CDH12: variants seen among roughly 807,000 people sequenced by gnomAD.
CDH12 encodes the protein cadherin 12, also known as cadherin-12.
A neutral mutation model predicts 74.1 loss-of-function variants in CDH12; 41 were observed. The observed-to-expected ratio is 0.55, with a 90% CI of 0.43 to 0.72. The LOEUF is 0.72. CDH12 is among the 30% of genes least tolerant of loss of function. The pLI, the probability that CDH12 is intolerant of heterozygous loss-of-function variation, is 0.00. For missense variants in CDH12, 945 were observed against 977.2 expected, an observed-to-expected ratio of 0.97 and a Z score of 0.44; for synonymous variants, 399 against 355.0, an observed-to-expected ratio of 1.12 and a Z score of -1.39.
At chr5:22,744,518 A>G (rs1181907405) in intron 1 of CDH12, among the ~76,000 whole-genome samples, 2 of 152,202 alleles carry the variant, frequency 1.3e-5, no homozygotes, top group Non-Finnish European at 2.9e-5. Flanking sequence ...TGAAAAGTTT[A>G]TATTTTACAT....
chr5:22,194,516 G>C (rs1750512899), intron 4 of CDH12, among the ~76,000 whole-genome samples: 2 of 151,736 alleles, frequency 1.3e-5, no homozygotes, highest in Admixed American at 1.3e-4. Flanking sequence ...ATTTTTAGTA[G>C]AGACAGGGTT....
At chr5:22,168,545 C>CGTGT (rs1748826398) in intron 4 of CDH12, among the ~76,000 whole-genome samples, 2 of 151,970 alleles carry the variant, frequency 1.3e-5, no homozygotes, top group South Asian at 4.1e-4. Flanking sequence ...GATGGATACA[C>CGTGT]ATTTATGGTA....
At chr5:21,851,152 C>G (rs77505641) in intron 7 of CDH12, among the ~76,000 whole-genome samples, 1,973 of 150,446 alleles carry the variant, frequency 0.013, 40 homozygotes, top group African/African-American at 0.045. Flanking sequence ...ATTTAGAATA[C>G]AGCATATCAT....
At chr5:22,561,835 T>G (rs1707525731) in intron 1 of CDH12, among the ~76,000 whole-genome samples, 1 of 152,188 alleles carries the variant, frequency 6.6e-6, no homozygotes, top group Non-Finnish European at 1.5e-5. Flanking sequence ...AAACTGGACT[T>G]GATTCACCCT....
chr5:22,399,627 A>C (rs1158777508), intron 3 of CDH12, among the ~76,000 whole-genome samples: 1 of 152,154 alleles, frequency 6.6e-6, no homozygotes, highest in Non-Finnish European at 1.5e-5. Context: ...CCAGAGAGTA[A>C]ATCCAGCCAC....
intron 1 of CDH12, among the ~76,000 whole-genome samples, chr5:22,843,394 C>A (rs1256132127): frequency 6.6e-6 from 1 of 151,988 alleles, no homozygotes; most frequent in Non-Finnish European, 1.5e-5. Context: ...ATTCACTATT[C>A]TTTACCTCCC....
At chr5:22,642,579 G>C (rs1739208138) in intron 1 of CDH12, among the ~76,000 whole-genome samples, 1 of 152,138 alleles carries the variant, frequency 6.6e-6, no homozygotes, top group Non-Finnish European at 1.5e-5. Flanking sequence ...GATCATGATA[G>C]TTATGAAAAT....
chr5:22,507,684 T>A (rs1258543882), intron 1 of CDH12, among the ~76,000 whole-genome samples: 3 of 152,214 alleles, frequency 2.0e-5, no homozygotes, highest in Non-Finnish European at 2.9e-5. Context: ...ATATTTTGGT[T>A]AGAATGTAAT....
chr5:22,468,482 T>C (rs1219762683), intron 2 of CDH12, among the ~76,000 whole-genome samples: 1 of 152,114 alleles, frequency 6.6e-6, no homozygotes, highest in African/African-American at 2.4e-5. Flanking sequence ...CAATATTCAG[T>C]TTTTGGAAAG....
At chr5:22,128,416 T>TC (rs1746000003) in intron 4 of CDH12, among the ~76,000 whole-genome samples, 1 of 152,060 alleles carries the variant, frequency 6.6e-6, no homozygotes, top group Admixed American at 6.6e-5. Context: ...CAGCTAGTTT[T>TC]TTTTTTCTTT....
rs139714184 is a variant in CDH12, at chr5:21,870,291, T to C, written c.527-15501A>G. 5.9e-3 allele frequency among the ~76,000 whole-genome samples: 899 copies of C among 152,270 alleles called. 2 individuals carry two copies. Among genetic ancestry groups the C allele is most frequent in the Non-Finnish European group, 9.3e-3 (632 of 68,026 alleles). ...TGGGAAAGCACTACTTCTGTGTGTG[T>C]CTGTGAGGGTGTTTCCAGAGGAGAT... On this transcript the variant is annotated intron_variant, in intron 6 of 14. Transcript: ENST00000382254.
chr5:22,602,200 CTA>C (rs1736883571), intron 1 of CDH12, among the ~76,000 whole-genome samples: 1 of 152,008 alleles, frequency 6.6e-6, no homozygotes, highest in African/African-American at 2.4e-5. Flanking sequence ...CTTCTCTCAC[CTA>C]TGACTTCCTT....
chr5:22,815,134 C>T (rs1225885515), intron 1 of CDH12, among the ~76,000 whole-genome samples: 2 of 151,850 alleles, frequency 1.3e-5, no homozygotes, highest in Non-Finnish European at 2.9e-5. Context: ...AATTAGTTGG[C>T]GATGATCACA....
At chr5:21,967,686 C>A (rs1206845251) in intron 6 of CDH12, among the ~76,000 whole-genome samples, 1 of 152,152 alleles carries the variant, frequency 6.6e-6, no homozygotes, top group East Asian at 1.9e-4. Context: ...AATTCATACT[C>A]TTCTCTCAAG....
chr5:22,717,892 A>G (rs191186919), intron 1 of CDH12, among the ~76,000 whole-genome samples: 1 of 152,276 alleles, frequency 6.6e-6, no homozygotes, highest in Admixed American at 6.5e-5. Context: ...TCTTGCCTAA[A>G]AACTAATATC....
At position 22,580,178 on chromosome 5, in the gene CDH12, A is replaced by G. The variant is rs1366740725; in HGVS notation, c.-522-74814T>C. On this transcript the variant is annotated intron_variant, in intron 1 of 14. Transcript: ENST00000382254. ...CAAGGAAGAGGATCCAGATGAGGGTACATTTTGGGTATCCTTCTTATTATT... is the reference window on the plus strand; with the variant it reads ...CAAGGAAGAGGATCCAGATGAGGGTGCATTTTGGGTATCCTTCTTATTATT... 2.8e-5 allele frequency: 8 copies of G among 290,030 alleles called. No individual in the cohort carries two copies. The East Asian group carries it at 7.3e-4, about 26-fold the overall frequency. 18.0% of individuals were successfully genotyped at this position (290,030 alleles called of 1,614,324 possible). A position where few individuals can be genotyped will look rare whatever the true frequency, so the allele number is the denominator to read the frequency against.
chr5:22,079,000 C>T, intron 4 of CDH12, 138 bp from the exon 5 acceptor site: 1 of 242,354 alleles, frequency 4.1e-6, no homozygotes, highest in Non-Finnish European at 7.3e-6. Flanking sequence ...TAAACGGTCA[C>T]CGCTATTCAA....
intron 1 of CDH12, among the ~76,000 whole-genome samples, chr5:22,847,895 T>C (rs1345177024): frequency 6.6e-6 from 1 of 152,034 alleles, no homozygotes; most frequent in Non-Finnish European, 1.5e-5. Flanking sequence ...TTTCTTTTTT[T>C]TCTTGTGAGA....
At chr5:21,767,716 A>T (rs1745104784) in intron 11 of CDH12, among the ~76,000 whole-genome samples, 1 of 151,722 alleles carries the variant, frequency 6.6e-6, no homozygotes, top group South Asian at 2.1e-4. Flanking sequence ...TAACAAGTTT[A>T]TCTGTTTAAT....
Sources: allele counts gnomAD v4.1 joint callset (sites outside exome capture counted in the v4.1 genomes callset), GRCh38; gene constraint gnomAD v4.1.1; transcripts MANE v1.5; gene names NCBI Gene and HGNC (gene_info 2026-07-23, HGNC 2026-07-21).